F5: variants seen among roughly 807,000 people sequenced by gnomAD.
F5 encodes the protein coagulation factor V, also known as activated protein c cofactor.
In F5, 138 loss-of-function variants were observed where a neutral mutation model predicts 216.4. That is an observed-to-expected ratio of 0.64 (90% CI 0.56 to 0.73). The LOEUF (loss-of-function observed/expected upper bound fraction) is 0.73, where lower values mean the gene tolerates loss of function less well. Among genes scored for constraint, F5 ranks in the 30% least tolerant of loss-of-function variants. The probability of loss-of-function intolerance (pLI) is 0.00; values close to 1 mark genes in which losing one functional copy is unlikely to be tolerated. For synonymous variants in F5, 916 were observed against 930.7 expected (o/e 0.98, Z 0.29); for missense variants, 2,403 against 2,674.0 (o/e 0.90, Z 2.24).
chr1:169,562,551 C>T (rs184588641), intron 3 of F5, among the ~76,000 whole-genome samples: 239 of 151,304 alleles, frequency 1.6e-3, no homozygotes, highest in Non-Finnish European at 2.6e-3. Flanking sequence ...ATTCCTTTTC[C>T]CCTTCCTTTC....
At position 169,583,076 on chromosome 1, in the gene F5, A is replaced by G. The variant is rs561437345; in HGVS notation, c.159-554T>C. 3.9e-5 allele frequency among the ~76,000 whole-genome samples: 6 copies of G among 152,360 alleles called. No individual in the cohort carries two copies. In the South Asian group the frequency reaches 1.0e-3, roughly 26 times the overall value. ...AGAGTCAGTAACTTGTCCAAGAGAT[A>G]CAGTTGATAAGTGGCAGAACCAAGA... On this transcript the variant is annotated intron_variant, in intron 1 of 24. Coordinates refer to ENST00000367797, the MANE Select transcript of F5 (RefSeq NM_000130.5).
At chr1:169,585,310 C>T (rs1277772228) in intron 1 of F5, among the ~76,000 whole-genome samples, 3 of 152,072 alleles carry the variant, frequency 2.0e-5, no homozygotes, top group East Asian at 3.8e-4. Flanking sequence ...CAAAATATTA[C>T]ATTATTTTTT....
In F5 at chr1:169,583,796, G is replaced by A. The variant is rs1275732492; in HGVS notation, c.159-1274C>T. Among the ~76,000 whole-genome samples, 3 of 152,170 alleles carry A rather than the reference G, an allele frequency of 2.0e-5. No individual in the cohort carries two copies. The East Asian group carries it at 5.8e-4, about 29-fold the overall frequency. ...AATACAGAAACTGTGTTAATATGTG[G>A]GGGCAGAATTAAAGGAGGCACGTAA... On this transcript the variant is annotated intron_variant, in intron 1 of 24. Transcript: ENST00000367797.
At chr1:169,530,714 G>A (rs912092843) in intron 15 of F5, 72 bp downstream of exon 15, 58 of 1,328,644 alleles carry the variant, frequency 4.4e-5, no homozygotes, top group African/African-American at 7.2e-5. Context: ...AAATAACCCC[G>A]ACTCTTCCAT....
intron 14 of F5, among the ~76,000 whole-genome samples, chr1:169,536,199 A>G (rs1471130678): frequency 1.3e-5 from 2 of 152,122 alleles, no homozygotes; most frequent in Admixed American, 1.3e-4. Flanking sequence ...ATGAAACCCA[A>G]TTCAATTGCT....
At chr1:169,585,103 G>T (rs192720484) in intron 1 of F5, among the ~76,000 whole-genome samples, 1 of 152,296 alleles carries the variant, frequency 6.6e-6, no homozygotes. Flanking sequence ...TTTCCTTGGG[G>T]TTTTAGCTTA....
chr1:169,574,665 T>A (rs948356000), intron 2 of F5, among the ~76,000 whole-genome samples: 3 of 152,214 alleles, frequency 2.0e-5, no homozygotes, highest in African/African-American at 7.2e-5. Context: ...CACAAGTTTT[T>A]AAGGTAGATA....
chr1:169,529,719 C>G lies in F5; in HGVS notation c.5308G>C (p.Val1770Leu). 6.2e-7 allele frequency: 1 copy of G among 1,613,828 alleles called. No homozygotes were observed. The highest frequency in any genetic ancestry group is 1.1e-5 in the South Asian group (1 of 91,086). Reference protein sequence around the residue: ...SNMPMDMREFVLLFMTFDEKK... With the variant: ...SNMPMDMREFLLLFMTFDEKK... ...TCATCAAAGGTCATAAATAGTAAGA[C>G]AAATTCTCTCATGTCCATAGGCATG... The change falls in exon 16 of 25, where the codon GTC becomes CTC. Residue 1770 changes from valine (V) to leucine (L), a missense_variant. Transcript: ENST00000367797.
intron 2 of F5, among the ~76,000 whole-genome samples, chr1:169,579,788 A>T (rs1031436696): frequency 2.6e-5 from 4 of 152,242 alleles, no homozygotes; most frequent in Non-Finnish European, 4.4e-5. Flanking sequence ...TTGATACAAC[A>T]GTCCCATGAC....
chr1:169,545,745 A>G lies in F5; in HGVS notation c.1762+697T>C, dbSNP rs549093220. ...TGCAGAAATCATCCTCACATGTGTG[A>G]TTACCTACTAGAGAAGGTGATTACC... On this transcript the variant is annotated intron_variant, in intron 11 of 24. Coordinates refer to ENST00000367797, the MANE Select transcript of F5 (RefSeq NM_000130.5). Among the ~76,000 whole-genome samples the G allele has an allele frequency of 5.3e-5, 8 of 152,302 alleles. No homozygotes were observed. The East Asian group carries it at 1.4e-3, about 26-fold the overall frequency.
intron 3 of F5, among the ~76,000 whole-genome samples, chr1:169,563,649 T>C (rs1571592655): frequency 2.0e-5 from 3 of 152,146 alleles, no homozygotes; most frequent in East Asian, 3.9e-4. Flanking sequence ...TTATAATATA[T>C]TTTTTTATCC....
At chr1:169,527,395 T>C (rs1448028689) in intron 17 of F5, among the ~76,000 whole-genome samples, 1 of 152,220 alleles carries the variant, frequency 6.6e-6, no homozygotes, top group Non-Finnish European at 1.5e-5. Context: ...ACATGAAAAG[T>C]TCTAAATACC....
chr1:169,554,358 T>G (rs1248852894), intron 7 of F5, among the ~76,000 whole-genome samples: 2 of 152,230 alleles, frequency 1.3e-5, no homozygotes, highest in African/African-American at 4.8e-5. Context: ...GGAGAACTTT[T>G]TGTATTAGTA....
Position 169,541,917 on chromosome 1 carries a change from G to A in F5, c.3173C>T (p.Thr1058Ile), listed in dbSNP as rs772368850. 1.1e-5 allele frequency: 18 copies of A among 1,614,052 alleles called. No individual in the cohort carries two copies. The highest frequency in any genetic ancestry group is 1.4e-5 in the Non-Finnish European group (17 of 1,180,016). Residue 1058 changes from threonine to isoleucine, a missense_variant, in exon 13 of 25, where the codon ACA becomes ATA. This residue lies in a region of F5 where 1,425 missense variants were observed against 1,554.8 expected (regional missense o/e 0.92). Coordinates refer to ENST00000367797, the MANE Select transcript of F5 (RefSeq NM_000130.5). ...FHPLRSEAYN[T>I]FSERRLKHSL... ...ATGCTTAAGTCTTCTTTCTGAAAATGTGTTGTAGGCTTCACTTCTTAGAGG... is the reference window on the plus strand; with the variant it reads ...ATGCTTAAGTCTTCTTTCTGAAAATATGTTGTAGGCTTCACTTCTTAGAGG...
At chr1:169,534,667 C>CAAA (rs530753859) in intron 14 of F5, among the ~76,000 whole-genome samples, 1 of 103,590 alleles carries the variant, frequency 9.7e-6, no homozygotes, top group Admixed American at 1.1e-4. Context: ...GACTCCATCT[C>CAAA]AAAAAAAAAA....
In F5 at chr1:169,577,695, C is replaced by A. The variant is rs1166878355; in HGVS notation, c.250+4736G>T. ...CCTCAAGCAATCCTCCCACCTTGGC[C>A]TCCCAAAGTGCTGGGATTACAGTCA... On this transcript the variant is annotated intron_variant, in intron 2 of 24. Transcript: ENST00000367797. 5.3e-5 allele frequency among the ~76,000 whole-genome samples: 8 copies of A among 149,894 alleles called. No homozygotes were observed. The East Asian group carries it at 9.8e-4, about 18-fold the overall frequency.
Position 169,543,046 on chromosome 1 carries a change from C to T in F5, c.2044G>A (p.Val682Ile), listed in dbSNP as rs776737337. ...TCATCATCATCTGGGATACATTTAACATCCCTGAATTTCAGCCTCAGCTTT... is the reference window on the plus strand; with the variant it reads ...TCATCATCATCTGGGATACATTTAATATCCCTGAATTTCAGCCTCAGCTTT... ...SKKLRLKFRD[V>I]KCIPDDDEDS... Residue 682 changes from valine (V) to isoleucine (I), a missense_variant, in exon 13 of 25, where the codon GTT becomes ATT. Transcript: ENST00000367797. 1 of 1,613,944 alleles carries T rather than the reference C, an allele frequency of 6.2e-7. No individual in the cohort carries two copies.
chr1:169,515,653 TAAGG>T, intron 23 of F5, 27 bp from the exon 24 acceptor site: 1 of 1,608,670 alleles, frequency 6.2e-7, no homozygotes, highest in Non-Finnish European at 8.5e-7. Flanking sequence ...AACACATAGA[TAAGG>T]AAGATGTTAA....
At chr1:169,574,152 A>T (rs1660789210) in intron 2 of F5, among the ~76,000 whole-genome samples, 1 of 152,158 alleles carries the variant, frequency 6.6e-6, no homozygotes, top group Non-Finnish European at 1.5e-5. Context: ...TATATAAGGG[A>T]CTTGAGCATC....
Sources: allele counts gnomAD v4.1 joint callset (sites outside exome capture counted in the v4.1 genomes callset), GRCh38; gene constraint gnomAD v4.1.1; regional missense constraint gnomAD v4.1.1; transcripts MANE v1.5; gene names NCBI Gene and HGNC (gene_info 2026-07-23, HGNC 2026-07-21).